Variants in MATN2 observed in about 807,000 individuals in gnomAD.
The protein encoded by MATN2 is matrilin 2.
MATN2 carries 69 observed loss-of-function variants against 103.2 expected under a neutral mutation model. The ratio of observed to expected loss-of-function variants is 0.67; its 90% CI spans 0.55 to 0.82. MATN2 has a LOEUF of 0.82. MATN2 is among the 40% of genes least tolerant of loss of function. MATN2 has a pLI of 0.00. For missense variants in MATN2, 1,023 were observed against 1,211.5 expected (o/e 0.84, Z 2.31); for synonymous variants, 429 against 450.2 (o/e 0.95, Z 0.60).
At chr8:97,869,605 C>T (rs938213230) in intron 1 of MATN2, among the ~76,000 whole-genome samples, 5 of 152,232 alleles carry the variant, frequency 3.3e-5, no homozygotes, top group East Asian at 1.9e-4. Flanking sequence ...GCCCAGACCC[C>T]GGCCACCGCG....
chr8:97,979,557 ATAAAC>A (rs146656382), intron 6 of MATN2, among the ~76,000 whole-genome samples: 18,616 of 152,180 alleles, frequency 0.12, 1,272 homozygotes, highest in Admixed American at 0.2. Context: ...ATAAAATTCG[ATAAAC>A]TAAAGATGAT....
intron 2 of MATN2, among the ~76,000 whole-genome samples, chr8:97,894,966 G>A (rs1169222695): frequency 4.6e-5 from 7 of 151,760 alleles, no homozygotes; most frequent in Admixed American, 3.3e-4. Context: ...TCCGCCTCCC[G>A]GGTTCAAGCA....
chr8:97,923,714 G>A (rs1274574411), intron 2 of MATN2, among the ~76,000 whole-genome samples: 3 of 152,086 alleles, frequency 2.0e-5, no homozygotes, highest in Non-Finnish European at 2.9e-5. Context: ...CTGCCACCAC[G>A]GCCGGCTAAT....
intron 6 of MATN2, among the ~76,000 whole-genome samples, chr8:97,979,668 G>A (rs1332209502): frequency 6.6e-6 from 1 of 152,202 alleles, no homozygotes; most frequent in Non-Finnish European, 1.5e-5. Flanking sequence ...AAGGGATTGT[G>A]TATGGATTAT....
Position 97,878,027 on chromosome 8 carries a change from G to A in MATN2, c.-27+8740G>A, listed in dbSNP as rs1382580907. ...AACAAAAACAAAAAAAAACAAAACC[G>A]ATGTTAGAGAGGCAGGTAAGGCATT... is the stretch of plus-strand genomic sequence containing the variant. On this transcript the variant is annotated intron_variant, in intron 1 of 18. Coordinates refer to ENST00000254898, the MANE Select transcript of MATN2 (RefSeq NM_002380.5). Among the ~76,000 whole-genome samples, 4 of 151,714 alleles carry A rather than the reference G, an allele frequency of 2.6e-5. No homozygotes were observed. In the East Asian group the frequency reaches 5.8e-4, roughly 22 times the overall value.
At chr8:97,885,607 A>G (rs112244870) in intron 1 of MATN2, among the ~76,000 whole-genome samples, 1,572 of 152,338 alleles carry the variant, frequency 0.01, 27 homozygotes, top group African/African-American at 0.035. Context: ...TCTCAGAGTT[A>G]AAGCTATGAA....
chr8:97,978,678 C>G (rs1279489333), intron 5 of MATN2, among the ~76,000 whole-genome samples: 1 of 152,086 alleles, frequency 6.6e-6, no homozygotes, highest in Non-Finnish European at 1.5e-5. Flanking sequence ...AGTTTACTTC[C>G]TATATCTTCC....
chr8:97,998,953 T>A (rs1225637402), intron 7 of MATN2, among the ~76,000 whole-genome samples: 3 of 152,166 alleles, frequency 2.0e-5, no homozygotes, highest in African/African-American at 7.2e-5. Context: ...CTCCAGAACT[T>A]CTTCACCCCA....
In MATN2 at chr8:97,927,684, C is replaced by T. The variant is rs189685466; in HGVS notation, c.143-3269C>T. Among the ~76,000 whole-genome samples the T allele has an allele frequency of 1.2e-4, 18 of 152,302 alleles. No individual in the cohort carries two copies. The East Asian group carries it at 1.5e-3, about 13-fold the overall frequency. ...TTGGAACCTCCAACAACATTTTGAA[C>T]CTTTGTGGCGTTTTTGTACATGTGC... On this transcript the variant is annotated intron_variant, in intron 2 of 18. Transcript: ENST00000254898.
Position 97,961,476 on chromosome 8 carries a change from G to A in MATN2, c.904G>A (p.Val302Ile), listed in dbSNP as rs760575035. Residue 302 changes from valine (V) to isoleucine (I), a missense_variant, in exon 5 of 19, where the codon GTC (valine) becomes ATC (isoleucine). Coordinates refer to ENST00000254898, the MANE Select transcript of MATN2 (RefSeq NM_002380.5). ...CTGTGTGAATGTGCCGGGCTCCTTC[G>A]TCTGCCAGTGCTACAGTGGCTACGC... Reference protein sequence around the residue: ...QLCVNVPGSFVCQCYSGYALA... With the variant: ...QLCVNVPGSFICQCYSGYALA... 25 of 1,613,654 alleles carry A rather than the reference G, an allele frequency of 1.5e-5. No individual in the cohort carries two copies. In the Admixed American group the frequency reaches 1.8e-4, roughly 12 times the overall value.
At chr8:97,886,702 A>G (rs189145689) in intron 1 of MATN2, among the ~76,000 whole-genome samples, 10 of 152,282 alleles carry the variant, frequency 6.6e-5, no homozygotes, top group Admixed American at 2.0e-4. Context: ...AATTTGCTGA[A>G]CAAACAGTTC....
chr8:97,913,068 G>T (rs118173746), intron 2 of MATN2, among the ~76,000 whole-genome samples: 3,389 of 152,268 alleles, frequency 0.022, 48 homozygotes, highest in Middle Eastern at 0.054. Context: ...ACCAGAACAC[G>T]AAGTCTGGCT....
At chr8:97,892,018 C>T (rs986121779) in intron 2 of MATN2, among the ~76,000 whole-genome samples, 1 of 152,150 alleles carries the variant, frequency 6.6e-6, no homozygotes, top group South Asian at 2.1e-4. Context: ...GGGCAGATCA[C>T]TTGAGGTCAG....
intron 2 of MATN2, among the ~76,000 whole-genome samples, chr8:97,924,576 G>A (rs556301686): frequency 1.6e-4 from 24 of 151,952 alleles, no homozygotes; most frequent in African/African-American, 4.6e-4. Context: ...CACCTGTCCC[G>A]TCCTTCATTC....
At chr8:97,978,224 T>A (rs1305085457) in intron 5 of MATN2, among the ~76,000 whole-genome samples, 1 of 152,188 alleles carries the variant, frequency 6.6e-6, no homozygotes, top group African/African-American at 2.4e-5. Flanking sequence ...CACATATTTG[T>A]GTAATGAACA....
chr8:97,989,359 C>T (rs1328460496), intron 6 of MATN2, among the ~76,000 whole-genome samples: 3 of 151,786 alleles, frequency 2.0e-5, no homozygotes, highest in South Asian at 2.1e-4. Context: ...GTCCCAGCTA[C>T]TCGGGAGGCT....
In MATN2 at chr8:98,007,379, C is replaced by T; in HGVS notation, c.1451-100C>T. 1 of 1,554,098 alleles carries T rather than the reference C, an allele frequency of 6.4e-7. No homozygotes were observed. Among genetic ancestry groups the T allele is most frequent in the Non-Finnish European group, 8.8e-7 (1 of 1,138,828 alleles). The stretch of plus-strand genomic sequence containing the variant: ...TGAGGATGTCCACTGGGACTGCATG[C>T]CTTCGAGGGAGGGCGGGGTGAGCAT... On this transcript the variant is annotated intron_variant, in intron 9 of 18. Transcript: ENST00000254898. The surrounding 1 kb of genome is among the most constrained non-coding windows in gnomAD (Gnocchi z 4.2).
chr8:97,873,283 T>C (rs1004219965), intron 1 of MATN2, among the ~76,000 whole-genome samples: 2 of 151,980 alleles, frequency 1.3e-5, no homozygotes, highest in Non-Finnish European at 2.9e-5. Context: ...GAGTTTTAGC[T>C]CACTTCTGTT....
rs554987041 is a variant in MATN2, at chr8:97,887,092, G to A, written c.-26-983G>A. ...TTTTTAGTAGAGATTGGGTTTCGCTGTGTTGGCCAGGCTGGTCTCAAACTC... is the reference window on the plus strand; with the variant it reads ...TTTTTAGTAGAGATTGGGTTTCGCTATGTTGGCCAGGCTGGTCTCAAACTC... On this transcript the variant is annotated intron_variant, in intron 1 of 18. Coordinates refer to ENST00000254898, the MANE Select transcript of MATN2 (RefSeq NM_002380.5). Among the ~76,000 whole-genome samples the A allele has an allele frequency of 5.3e-5, 8 of 152,082 alleles. No homozygotes were observed. The East Asian group carries it at 1.4e-3, about 26-fold the overall frequency.
Sources: allele counts gnomAD v4.1 joint callset (sites outside exome capture counted in the v4.1 genomes callset), GRCh38; gene constraint gnomAD v4.1.1; non-coding constraint Gnocchi (gnomAD v3.1); transcripts MANE v1.5; gene names NCBI Gene and HGNC (gene_info 2026-07-23, HGNC 2026-07-21).